Variants in AGBL4 observed in about 807,000 individuals in gnomAD.
AGBL4 encodes the protein AGBL carboxypeptidase 4.
In AGBL4, 58 loss-of-function variants were observed where a neutral mutation model predicts 66.4. The ratio of observed to expected loss-of-function variants is 0.87; its 90% confidence interval spans 0.71 to 1.09. The LOEUF (loss-of-function observed/expected upper bound fraction) is 1.09, where lower values mean the gene tolerates loss of function less well. AGBL4 is among the 50% of genes least tolerant of loss of function. The pLI, the probability that AGBL4 is intolerant of heterozygous loss-of-function variation, is 0.00. For missense variants in AGBL4, 579 were observed against 631.0 expected, an observed-to-expected ratio of 0.92 and a Z score of 0.88; for synonymous variants, 234 against 222.9, an observed-to-expected ratio of 1.05 and a Z score of -0.44.
intron 7 of AGBL4, among the ~76,000 whole-genome samples, chr1:48,662,101 A>G (rs1336547004): frequency 6.6e-6 from 1 of 152,244 alleles, no homozygotes; most frequent in Admixed American, 6.5e-5. Context: ...GCATTGTAAG[A>G]ATACGAACTG....
intron 3 of AGBL4, among the ~76,000 whole-genome samples, chr1:49,484,694 A>G (rs1647027268): frequency 6.6e-6 from 1 of 152,002 alleles, no homozygotes; most frequent in Admixed American, 6.6e-5. Context: ...AGCATAACAG[A>G]GTGACTATAG....
intron 6 of AGBL4, among the ~76,000 whole-genome samples, chr1:48,795,270 A>G (rs1446577363): frequency 6.6e-6 from 1 of 152,132 alleles, no homozygotes; most frequent in African/African-American, 2.4e-5. Flanking sequence ...GTCCCACCTG[A>G]TTTTAATCCT....
chr1:49,770,435 T>G (rs111275015), intron 2 of AGBL4, among the ~76,000 whole-genome samples: 2 of 152,192 alleles, frequency 1.3e-5, no homozygotes, highest in Admixed American at 1.3e-4. Flanking sequence ...GGTGTCTTTT[T>G]GATAATTTTT....
At chr1:49,139,803 G>A (rs1646084230) in intron 4 of AGBL4, among the ~76,000 whole-genome samples, 1 of 151,968 alleles carries the variant, frequency 6.6e-6, no homozygotes, top group South Asian at 2.1e-4. Flanking sequence ...CTTTTTTATT[G>A]TTTGTTGCCT....
chr1:48,744,996 AGG>A (rs5774019), intron 6 of AGBL4, among the ~76,000 whole-genome samples: 6 of 152,002 alleles, frequency 3.9e-5, no homozygotes, highest in Non-Finnish European at 5.9e-5. Context: ...ACTCCCAGGT[AGG>A]GGGGGTCTCT....
chr1:49,055,982 G>T (rs78713088), intron 4 of AGBL4, among the ~76,000 whole-genome samples: 143 of 152,034 alleles, frequency 9.4e-4, no homozygotes, highest in African/African-American at 3.2e-3. Flanking sequence ...GCTCCTCTTG[G>T]ATGTCTCAAA....
Position 49,282,448 on chromosome 1 carries a change from T to C in AGBL4, c.283-36584A>G, listed in dbSNP as rs968584971. Among the ~76,000 whole-genome samples, 5 of 152,172 alleles carry C rather than the reference T, an allele frequency of 3.3e-5. No individual in the cohort carries two copies. The East Asian group carries it at 5.8e-4, about 18-fold the overall frequency. On this transcript the variant is annotated intron_variant, in intron 3 of 13. Transcript: ENST00000371839. ...ATGGGTAGGTGGACTGATTATACTATGTAAAACAACTTAAAATGCTCTTAA... is the reference window on the plus strand; with the variant it reads ...ATGGGTAGGTGGACTGATTATACTACGTAAAACAACTTAAAATGCTCTTAA...
At chr1:49,213,056 C>A (rs1330398242) in intron 4 of AGBL4, among the ~76,000 whole-genome samples, 1 of 152,054 alleles carries the variant, frequency 6.6e-6, no homozygotes, top group Non-Finnish European at 1.5e-5. Flanking sequence ...ACAATATTTA[C>A]TATATACTTA....
At chr1:48,810,013 T>C (rs1420114382) in intron 6 of AGBL4, among the ~76,000 whole-genome samples, 1 of 152,138 alleles carries the variant, frequency 6.6e-6, no homozygotes, top group Non-Finnish European at 1.5e-5. Context: ...AAGCATAGAC[T>C]TTTCCCTTCA....
At chr1:49,934,919 G>A (rs1214322181) in intron 1 of AGBL4, among the ~76,000 whole-genome samples, 10 of 152,148 alleles carry the variant, frequency 6.6e-5, no homozygotes, top group Admixed American at 1.3e-4. Flanking sequence ...GAAAACAGGC[G>A]ATTTCCGCAT....
rs373722460 is a variant in AGBL4 at position 49,970,708 on chromosome 1, AACACACAC to A, written c.34+53047_34+53054del. Among the ~76,000 whole-genome samples, 321 of 114,006 alleles carry A rather than the reference AACACACAC, an allele frequency of 2.8e-3. 2 individuals are homozygous for A. Among genetic ancestry groups the A allele is most frequent in the African/African-American group, 6.9e-3 (212 of 30,864 alleles). The allele number at this position is 114,006 out of a possible 152,430, so 74.8% of individuals were successfully genotyped here. On this transcript the variant is annotated intron_variant, in intron 1 of 13. Transcript: ENST00000371839. ...ACGACTCCGACTCAAAAAAAAACAA[AACACACAC>A]ACACACACACACACACACACACACA...
chr1:49,358,880 T>C (rs1644075572), intron 3 of AGBL4, among the ~76,000 whole-genome samples: 1 of 152,204 alleles, frequency 6.6e-6, no homozygotes, highest in African/African-American at 2.4e-5. Flanking sequence ...ATTGAAAAAA[T>C]CAAGTTTCAA....
At chr1:49,797,163 C>G (rs974618475) in intron 2 of AGBL4, among the ~76,000 whole-genome samples, 5 of 151,980 alleles carry the variant, frequency 3.3e-5, no homozygotes, top group African/African-American at 1.2e-4. Flanking sequence ...GTAAATCCTG[C>G]CAATTTCACA....
At chr1:49,829,099 G>A (rs986121616) in intron 2 of AGBL4, among the ~76,000 whole-genome samples, 11 of 151,414 alleles carry the variant, frequency 7.3e-5, no homozygotes, top group Admixed American at 6.6e-5. Context: ...AGAAAGAAAG[G>A]AAGCAAGAGC....
intron 9 of AGBL4, among the ~76,000 whole-genome samples, chr1:48,618,446 C>T (rs1645355370): frequency 6.6e-6 from 1 of 152,156 alleles, no homozygotes; most frequent in South Asian, 2.1e-4. Context: ...ACTACAGTCC[C>T]ACTGTGTGAC....
At position 48,590,921 on chromosome 1, in the gene AGBL4, T is replaced by C. The variant is rs373557846; in HGVS notation, c.1016A>G (p.Tyr339Cys). ...AHSTMMNGFM[Y>C]GNIFEDEERF... The stretch of plus-strand genomic sequence containing the variant: ...TTCCTCATCCTCAAAGATGTTGCCA[T>C]ACATGAAGCCATTCATCATGGTGGA... Residue 339 changes from tyrosine (Y) to cysteine (C), a missense_variant, in exon 10 of 14, where the codon TAT becomes TGT. Tyr to Cys is a radical substitution (Grantham distance 194). Transcript: ENST00000371839. 3 of 1,610,620 alleles carry C rather than the reference T, an allele frequency of 1.9e-6. No homozygotes were observed. The highest frequency in any genetic ancestry group is 2.5e-6 in the Non-Finnish European group (3 of 1,178,662).
At chr1:49,813,787 A>T (rs1645164777) in intron 2 of AGBL4, among the ~76,000 whole-genome samples, 1 of 152,116 alleles carries the variant, frequency 6.6e-6, no homozygotes, top group Non-Finnish European at 1.5e-5. Context: ...TGGATAACAG[A>T]GATACGGAAT....
chr1:49,043,804 T>C (rs1644007799), intron 5 of AGBL4, among the ~76,000 whole-genome samples: 1 of 152,196 alleles, frequency 6.6e-6, no homozygotes, highest in Non-Finnish European at 1.5e-5. Context: ...AAGAATAACA[T>C]GACCAGATTT....
intron 5 of AGBL4, among the ~76,000 whole-genome samples, chr1:48,986,666 C>T (rs902847898): frequency 5.9e-5 from 9 of 151,876 alleles, no homozygotes; most frequent in African/African-American, 2.2e-4. Flanking sequence ...GGAAGTGCTT[C>T]GAGCTGAAAG....
Sources: gnomAD v4.1 joint callset for allele counts (sites outside exome capture counted in the v4.1 genomes callset) on GRCh38, gnomAD v4.1.1 for gene constraint, MANE v1.5 for transcripts, NCBI Gene and HGNC (gene_info 2026-07-23, HGNC 2026-07-21) for gene names.